The following PDCD10 variants were observed in gnomAD, a reference collection of about 807,000 sequenced individuals.
PDCD10 encodes programmed cell death 10.
A neutral mutation model predicts 29.2 loss-of-function variants in PDCD10; 4 were observed. The observed-to-expected ratio is 0.14, with a 90% CI of 0.07 to 0.31. The LOEUF (loss-of-function observed/expected upper bound fraction) is 0.31, where lower values mean the gene tolerates loss of function less well. Among genes scored for constraint, PDCD10 ranks in the 10% least tolerant of loss-of-function variants. PDCD10 has a pLI of 1.00. For synonymous variants in PDCD10, 70 were observed against 82.2 expected (o/e 0.85, Z 0.80); for missense variants, 183 against 257.9 (o/e 0.71, Z 1.99).
chr3:167,710,101 T>C (rs989880352), intron 3 of PDCD10, among the ~76,000 whole-genome samples: 16 of 152,086 alleles, frequency 1.1e-4, no homozygotes, highest in African/African-American at 3.9e-4. Context: ...TAGTACACTG[T>C]AGGCCTTGGT....
chr3:167,712,769 T>C (rs1183553345), intron 3 of PDCD10, among the ~76,000 whole-genome samples: 2 of 152,028 alleles, frequency 1.3e-5, no homozygotes, highest in East Asian at 1.9e-4. Flanking sequence ...AAAAAAGATA[T>C]TCCATGCAAA....
At chr3:167,718,111 T>C (rs1723192128) in intron 3 of PDCD10, among the ~76,000 whole-genome samples, 4 of 151,956 alleles carry the variant, frequency 2.6e-5, no homozygotes, top group Non-Finnish European at 5.9e-5. Flanking sequence ...CTGGAGTAAC[T>C]GAGAAGGTCA....
intron 3 of PDCD10, among the ~76,000 whole-genome samples, chr3:167,711,083 C>A (rs563416679): frequency 1.3e-5 from 2 of 152,294 alleles, no homozygotes; most frequent in East Asian, 3.9e-4. Context: ...GCAACAACTA[C>A]AATAAATACC....
intron 2 of PDCD10, among the ~76,000 whole-genome samples, chr3:167,723,011 G>T (rs891510264): frequency 3.3e-5 from 5 of 152,162 alleles, no homozygotes; most frequent in African/African-American, 1.2e-4. Flanking sequence ...TGGCATACAT[G>T]CCATCTTTTA....
In PDCD10 at chr3:167,704,876, G is replaced by C; in HGVS notation, c.116C>G (p.Ser39Cys). ...AGCGGCTCTCAGTGTCTGGGCTGCA[G>C]ACAGATTTACTCGTTCTAGCTGCAA... Reference protein sequence around the residue: ...VFNELERVNLSAAQTLRAAFI... With the variant: ...VFNELERVNLCAAQTLRAAFI... Residue 39 changes from serine to cysteine, a missense_variant, in exon 4 of 9, where the codon TCT becomes TGT. Ser to Cys is a moderately radical substitution (Grantham distance 112). Transcript: ENST00000392750. 7.5e-6 allele frequency: 12 copies of C among 1,607,718 alleles called. No homozygotes were observed. The highest frequency in any genetic ancestry group is 1.0e-5 in the Non-Finnish European group (12 of 1,174,660).
At chr3:167,688,906 T>A (rs1719934079) in intron 6 of PDCD10, among the ~76,000 whole-genome samples, 1 of 152,206 alleles carries the variant, frequency 6.6e-6, no homozygotes, top group African/African-American at 2.4e-5. Context: ...TCCCAGCATA[T>A]TTTTCAGTAA....
At chr3:167,699,747 A>G (rs1443654958) in intron 4 of PDCD10, among the ~76,000 whole-genome samples, 1 of 152,194 alleles carries the variant, frequency 6.6e-6, no homozygotes. Context: ...CATAGAGGAT[A>G]AGGGGGAGAG....
intron 3 of PDCD10, among the ~76,000 whole-genome samples, chr3:167,719,563 A>G (rs1723363480): frequency 1.3e-5 from 2 of 152,134 alleles, no homozygotes; most frequent in African/African-American, 4.8e-5. Flanking sequence ...TATCTTCCAA[A>G]TATCGGTTTA....
chr3:167,719,033 G>A (rs993499116), intron 3 of PDCD10, among the ~76,000 whole-genome samples: 1 of 151,990 alleles, frequency 6.6e-6, no homozygotes, highest in Non-Finnish European at 1.5e-5. Flanking sequence ...GGCAACGAGT[G>A]TAAATGGATC....
At chr3:167,706,086 C>T (rs185212027) in intron 3 of PDCD10, among the ~76,000 whole-genome samples, 2 of 152,186 alleles carry the variant, frequency 1.3e-5, no homozygotes, top group Admixed American at 1.3e-4. Context: ...TCTGTATAGC[C>T]CTGAATGGTA....
At chr3:167,712,630 T>C (rs1722627095) in intron 3 of PDCD10, among the ~76,000 whole-genome samples, 1 of 151,910 alleles carries the variant, frequency 6.6e-6, no homozygotes, top group African/African-American at 2.4e-5. Flanking sequence ...AATAATAGCA[T>C]TGAATGTGAA....
rs147422347 is a variant in PDCD10, at chr3:167,692,358, T to C, written c.395+3238A>G. On this transcript the variant is annotated intron_variant, in intron 6 of 8. Coordinates refer to ENST00000392750, the MANE Select transcript of PDCD10 (RefSeq NM_007217.4). ...AAAGTGCATCCATATATGCATACAT[T>C]TTGTGCATACAACAAAGTTTTGATT... 4.4e-3 allele frequency among the ~76,000 whole-genome samples: 675 copies of C among 152,308 alleles called. 3 individuals carry two copies. The highest frequency in any genetic ancestry group is 7.2e-3 in the Non-Finnish European group (490 of 68,024).
intron 3 of PDCD10, among the ~76,000 whole-genome samples, chr3:167,716,699 A>G (rs748171467): frequency 6.6e-6 from 1 of 152,034 alleles, no homozygotes; most frequent in Non-Finnish European, 1.5e-5. Flanking sequence ...ATTCGCAGAA[A>G]TAGCTGATTC....
rs542736993 is a variant in PDCD10 at position 167,720,098 on chromosome 3, C to T, written c.60G>A (p.Met20Ile). The change falls in exon 3 of 9, where the codon ATG (methionine) becomes ATA (isoleucine). Residue 20 changes from methionine to isoleucine, a missense_variant. By Grantham distance (10) the Met-to-Ile change is conservative (BLOSUM62 1). Transcript: ENST00000392750. ...CAGGATACATGACTGCATAGAGGGGCATAGAAACCATGGATGTGGTCTCAG... is the reference window on the plus strand; with the variant it reads ...CAGGATACATGACTGCATAGAGGGGTATAGAAACCATGGATGTGGTCTCAG... ...NEAETTSMVS[M>I]PLYAVMYPVF... The T allele has an allele frequency of 6.2e-7, 1 of 1,611,936 alleles. No individual in the cohort carries two copies. The highest frequency in any genetic ancestry group is 1.1e-5 in the South Asian group (1 of 91,032).
intron 2 of PDCD10, among the ~76,000 whole-genome samples, chr3:167,725,988 A>G (rs1338739507): frequency 6.6e-6 from 1 of 150,874 alleles, no homozygotes; most frequent in Non-Finnish European, 1.5e-5. Flanking sequence ...TATGTCTGAC[A>G]ACTCTAGGGT....
chr3:167,686,543 G>A (rs1160705933), intron 8 of PDCD10, among the ~76,000 whole-genome samples: 2 of 152,206 alleles, frequency 1.3e-5, no homozygotes, highest in East Asian at 1.9e-4. Flanking sequence ...CTAATGCACA[G>A]AAAGGATTGA....
intron 3 of PDCD10, among the ~76,000 whole-genome samples, chr3:167,710,222 A>AT (rs1722395924): frequency 6.6e-6 from 1 of 151,892 alleles, no homozygotes; most frequent in Admixed American, 6.6e-5. Context: ...TATAAGAGGG[A>AT]TTTTGTCTTA....
intron 6 of PDCD10, among the ~76,000 whole-genome samples, chr3:167,688,866 T>A (rs758000774): frequency 9.2e-5 from 14 of 152,178 alleles, no homozygotes; most frequent in Non-Finnish European, 1.9e-4. Flanking sequence ...AAAACCTCAG[T>A]GTCCAGGTTT....
intron 3 of PDCD10, among the ~76,000 whole-genome samples, chr3:167,713,799 T>C (rs1036642035): frequency 2.0e-5 from 3 of 151,984 alleles, no homozygotes. Flanking sequence ...TTGAAAAATC[T>C]AGAGGAAATG....
Sources: allele counts gnomAD v4.1 joint callset (sites outside exome capture counted in the v4.1 genomes callset), GRCh38; gene constraint gnomAD v4.1.1; transcripts MANE v1.5; gene names NCBI Gene and HGNC (gene_info 2026-07-23, HGNC 2026-07-21).